The following CFDP1 variants were observed in gnomAD, a reference collection of about 807,000 sequenced individuals.
The protein encoded by CFDP1 is heterochromatin-stabilizing protein CFDP1.
In CFDP1, 31 loss-of-function variants were observed where a neutral mutation model predicts 40.1. The observed-to-expected ratio is 0.77, with a 90% CI of 0.58 to 1.04. The LOEUF (loss-of-function observed/expected upper bound fraction) is 1.04. Among genes scored for constraint, CFDP1 ranks in the 50% least tolerant of loss-of-function variants. CFDP1 has a pLI of 0.00. For synonymous variants in CFDP1, 167 were observed against 120.0 expected (o/e 1.39, Z -2.56); for missense variants, 423 against 343.4 (o/e 1.23, Z -1.83).
chr16:75,411,545 C>CA (rs1471501462), intron 4 of CFDP1, among the ~76,000 whole-genome samples: 6 of 152,158 alleles, frequency 3.9e-5, no homozygotes, highest in Non-Finnish European at 8.8e-5. Context: ...CCAAAAGTCA[C>CA]AAAACATGGC....
intron 1 of CFDP1, among the ~76,000 whole-genome samples, chr16:75,421,629 A>G (rs184882886): frequency 6.6e-5 from 10 of 152,326 alleles, no homozygotes; most frequent in Non-Finnish European, 1.3e-4. Flanking sequence ...CTCTTACATA[A>G]TAAAACCCTA....
At chr16:75,392,600 C>T (rs1427219813) in intron 5 of CFDP1, among the ~76,000 whole-genome samples, 3 of 152,164 alleles carry the variant, frequency 2.0e-5, no homozygotes, top group East Asian at 1.9e-4. Flanking sequence ...TGGGTTCAAG[C>T]GATTCTGCTG....
At chr16:75,334,573 G>A (rs2078472212) in intron 5 of CFDP1, among the ~76,000 whole-genome samples, 1 of 151,916 alleles carries the variant, frequency 6.6e-6, no homozygotes, top group African/African-American at 2.4e-5. Context: ...TTAGGCATAA[G>A]TCTCTTGCCC....
chr16:75,317,896 A>C (rs1453474527), intron 5 of CFDP1, among the ~76,000 whole-genome samples: 2 of 151,970 alleles, frequency 1.3e-5, no homozygotes, highest in African/African-American at 2.4e-5. Context: ...AGATTACCTA[A>C]CGTCAGGAGT....
intron 4 of CFDP1, among the ~76,000 whole-genome samples, chr16:75,401,394 C>T (rs2079051697): frequency 1.4e-5 from 2 of 145,494 alleles, no homozygotes; most frequent in South Asian, 4.3e-4. Context: ...CACCACTGCA[C>T]TCCACCCTGG....
chr16:75,377,658 T>C (rs1381890682), intron 5 of CFDP1, among the ~76,000 whole-genome samples: 2 of 152,216 alleles, frequency 1.3e-5, no homozygotes, highest in African/African-American at 4.8e-5. Flanking sequence ...AAGAAAAACA[T>C]GAAGTCACTA....
At chr16:75,400,413 T>A (rs1217397497) in intron 4 of CFDP1, among the ~76,000 whole-genome samples, 2 of 152,222 alleles carry the variant, frequency 1.3e-5, no homozygotes, top group African/African-American at 4.8e-5. Context: ...CAAGCCAATG[T>A]GTACTAAAGT....
At chr16:75,363,271 CAAAA>C (rs34693612) in intron 5 of CFDP1, among the ~76,000 whole-genome samples, 4 of 138,388 alleles carry the variant, frequency 2.9e-5, no homozygotes, top group African/African-American at 2.8e-5. Flanking sequence ...GTCTGAGCAC[CAAAA>C]AAAAAAAAAA....
At chr16:75,402,643 T>C (rs1053406107) in intron 4 of CFDP1, among the ~76,000 whole-genome samples, 1 of 152,190 alleles carries the variant, frequency 6.6e-6, no homozygotes, top group African/African-American at 2.4e-5. Flanking sequence ...CTTGAAGATG[T>C]AGTAATGCTC....
chr16:75,323,015 TTTATTTAGAAAA>T (rs1276286641), intron 5 of CFDP1, among the ~76,000 whole-genome samples: 2 of 152,142 alleles, frequency 1.3e-5, no homozygotes, highest in Non-Finnish European at 2.9e-5. Flanking sequence ...CTACAATACA[TTTATTTAGAAAA>T]TTTTTTTTTC....
At chr16:75,374,425 CACTT>C (rs1015898083) in intron 5 of CFDP1, among the ~76,000 whole-genome samples, 1 of 151,742 alleles carries the variant, frequency 6.6e-6, no homozygotes, top group Non-Finnish European at 1.5e-5. Flanking sequence ...AAATAAAAAA[CACTT>C]ATATGTGAAC....
At chr16:75,401,848 T>C (rs1597386317) in intron 4 of CFDP1, among the ~76,000 whole-genome samples, 1 of 107,686 alleles carries the variant, frequency 9.3e-6, no homozygotes, top group East Asian at 2.8e-4. Context: ...ATGTTGAACA[T>C]ATAAAAAAAA....
At chr16:75,298,518 G>A (rs546365008) in intron 6 of CFDP1, among the ~76,000 whole-genome samples, 31 of 152,328 alleles carry the variant, frequency 2.0e-4, no homozygotes, top group South Asian at 4.1e-4. Context: ...TTCCCCAAGT[G>A]AGCATTCAAG....
At chr16:75,384,662 A>AT (rs1188943545) in intron 5 of CFDP1, among the ~76,000 whole-genome samples, 1 of 152,018 alleles carries the variant, frequency 6.6e-6, no homozygotes, top group Non-Finnish European at 1.5e-5. Flanking sequence ...ATTATCACAG[A>AT]TTATTAATAA....
chr16:75,378,872 TAA>T (rs768808077), intron 5 of CFDP1, among the ~76,000 whole-genome samples: 4 of 152,076 alleles, frequency 2.6e-5, no homozygotes, highest in African/African-American at 4.8e-5. Context: ...TCAACAAATT[TAA>T]AAGAGTTGAA....
At chr16:75,395,289 T>C (rs2078986990) in intron 4 of CFDP1, 80 bp from the exon 5 acceptor site, 1 of 1,433,570 alleles carries the variant, frequency 7.0e-7, no homozygotes, top group East Asian at 2.4e-5. Flanking sequence ...TAAAGACAAC[T>C]AGAAAAAGAT....
chr16:75,350,871 C>T (rs1884055149), intron 5 of CFDP1, among the ~76,000 whole-genome samples: 1 of 151,976 alleles, frequency 6.6e-6, no homozygotes, highest in South Asian at 2.1e-4. Flanking sequence ...AAAAGCAATT[C>T]CCAAAAATAA....
At chr16:75,326,401 ACTC>A (rs1306971321) in intron 5 of CFDP1, among the ~76,000 whole-genome samples, 2 of 152,074 alleles carry the variant, frequency 1.3e-5, no homozygotes, top group Non-Finnish European at 2.9e-5. Context: ...CAACTGAACA[ACTC>A]CTCGTCAGAA....
Position 75,311,058 on chromosome 16 carries a change from A to C in CFDP1, c.651-5876T>G, listed in dbSNP as rs899788688. ...GTGGAGGACAGATCAACATACAGGC[A>C]AACTGTAACCACATATTATGAGGGC... On this transcript the variant is annotated intron_variant, in intron 5 of 6. Coordinates refer to ENST00000283882, the MANE Select transcript of CFDP1 (RefSeq NM_006324.3). Among the ~76,000 whole-genome samples, 3 of 152,358 alleles carry C rather than the reference A, an allele frequency of 2.0e-5. No homozygotes were observed. In the East Asian group the frequency reaches 5.8e-4, roughly 29 times the overall value.
Sources: gnomAD v4.1 joint callset for allele counts (sites outside exome capture counted in the v4.1 genomes callset) on GRCh38, gnomAD v4.1.1 for gene constraint, MANE v1.5 for transcripts, NCBI Gene and HGNC (gene_info 2026-07-23, HGNC 2026-07-21) for gene names.